Variants in ITGA2 observed in about 807,000 individuals in gnomAD.
The protein encoded by ITGA2 is integrin alpha-2.
Under a neutral mutation model 146.3 loss-of-function variants are expected in ITGA2, and 101 were observed. The observed-to-expected ratio is 0.69, with a 90% CI of 0.59 to 0.81. The LOEUF is 0.81. Among genes scored for constraint, ITGA2 ranks in the 40% least tolerant of loss-of-function variants. The probability of loss-of-function intolerance (pLI) is 0.00; values close to 1 mark genes in which losing one functional copy is unlikely to be tolerated. For missense variants in ITGA2, 1,281 were observed against 1,402.7 expected, an observed-to-expected ratio of 0.91 and a Z score of 1.39; for synonymous variants, 477 against 487.1, an observed-to-expected ratio of 0.98 and a Z score of 0.27.
At chr5:53,052,923 C>G (rs1178411904) in intron 7 of ITGA2, among the ~76,000 whole-genome samples, 4 of 152,116 alleles carry the variant, frequency 2.6e-5, no homozygotes, top group Admixed American at 2.0e-4. Flanking sequence ...GCCCTACACT[C>G]TCTCCCAAAA....
At position 53,086,455 on chromosome 5, in the gene ITGA2, T is replaced by C. The variant is rs563213949; in HGVS notation, c.3259-497T>C. Among the ~76,000 whole-genome samples the C allele has an allele frequency of 7.9e-5, 12 of 152,304 alleles. No individual in the cohort carries two copies. The East Asian group carries it at 1.4e-3, about 17-fold the overall frequency. ...TTTAAACACTATCATTTTACACACA[T>C]GTACCCAGAAGGAAAGTTCTCTTAC... On this transcript the variant is annotated intron_variant, in intron 27 of 29. Coordinates refer to ENST00000296585, the MANE Select transcript of ITGA2 (RefSeq NM_002203.4).
chr5:53,006,241 A>AT (rs1247979893), intron 1 of ITGA2, among the ~76,000 whole-genome samples: 1 of 152,162 alleles, frequency 6.6e-6, no homozygotes, highest in South Asian at 2.1e-4. Context: ...CAGTTGTGAA[A>AT]TTTTTTAAAA....
At chr5:53,022,171 G>C (rs1033867059) in intron 1 of ITGA2, among the ~76,000 whole-genome samples, 1 of 151,026 alleles carries the variant, frequency 6.6e-6, no homozygotes, top group Admixed American at 6.6e-5. Flanking sequence ...TTACGCTCTT[G>C]TTGTTAAAAG....
At chr5:53,032,266 T>C (rs1369744977) in intron 2 of ITGA2, among the ~76,000 whole-genome samples, 4 of 152,212 alleles carry the variant, frequency 2.6e-5, no homozygotes, top group Non-Finnish European at 4.4e-5. Context: ...AATATAGCAT[T>C]GTCATCCACA....
intron 29 of ITGA2, 113 bp from the exon 30 acceptor site, chr5:53,090,406 G>A: frequency 1.2e-6 from 1 of 860,026 alleles, no homozygotes; most frequent in Non-Finnish European, 2.0e-6. Flanking sequence ...CCTCCCTTCA[G>A]AGCCTCAGGG....
At chr5:53,088,631 A>T (rs1444969392) in intron 28 of ITGA2, among the ~76,000 whole-genome samples, 1 of 147,864 alleles carries the variant, frequency 6.8e-6, no homozygotes, top group Admixed American at 6.9e-5. Flanking sequence ...GGTTGCAATG[A>T]GCTGAGATTG....
In ITGA2 at chr5:53,050,986, G is replaced by A. The variant is rs148254504; in HGVS notation, c.631-425G>A. 3.5e-3 allele frequency among the ~76,000 whole-genome samples: 540 copies of A among 152,270 alleles called. 5 individuals are homozygous for A. Among genetic ancestry groups the A allele is most frequent in the African/African-American group, 0.012 (519 of 41,564 alleles). ...ATTTATTACACAGTTACCATCCTTT[G>A]ATGAGATGTTACTCTTCATCTGTGA... is the stretch of plus-strand genomic sequence containing the variant. On this transcript the variant is annotated intron_variant, in intron 6 of 29. Transcript: ENST00000296585.
chr5:53,043,451 A>G (rs1743905976), intron 3 of ITGA2, among the ~76,000 whole-genome samples: 1 of 152,184 alleles, frequency 6.6e-6, no homozygotes, highest in South Asian at 2.1e-4. Context: ...TAGAAGTTCT[A>G]TTATTTTCTG....
intron 4 of ITGA2, among the ~76,000 whole-genome samples, chr5:53,046,253 C>T (rs3212467): frequency 0.32 from 47,054 of 149,004 alleles, 7,481 homozygotes; most frequent in Admixed American, 0.38. Flanking sequence ...CAACTTTACA[C>T]TAGTTTTATC....
intron 23 of ITGA2, among the ~76,000 whole-genome samples, chr5:53,077,742 C>A (rs1745725963): frequency 6.6e-6 from 1 of 151,896 alleles, no homozygotes. Flanking sequence ...GACATATTTT[C>A]CTTTTAAGGA....
chr5:53,059,739 A>T, intron 10 of ITGA2, 135 bp from the exon 11 acceptor site: 1 of 858,330 alleles, frequency 1.2e-6, no homozygotes, highest in Admixed American at 2.1e-5. Context: ...ATTCTACAAT[A>T]TGTCAATATA....
intron 27 of ITGA2, among the ~76,000 whole-genome samples, 174 bp from the exon 28 acceptor site, chr5:53,086,778 G>T (rs1279705416): frequency 6.6e-6 from 1 of 152,138 alleles, no homozygotes; most frequent in African/African-American, 2.4e-5. Context: ...ATTTCTGACG[G>T]GCAGTCCTGT....
At chr5:53,072,787 C>A (rs1184842112) in intron 19 of ITGA2, 92 bp downstream of exon 19, 2 of 1,084,984 alleles carry the variant, frequency 1.8e-6, no homozygotes, top group Admixed American at 2.0e-5. Context: ...AGTTTTTCTA[C>A]AAAAGAAACA....
intron 2 of ITGA2, among the ~76,000 whole-genome samples, chr5:53,041,345 T>C (rs924652020): frequency 1.3e-5 from 2 of 152,200 alleles, no homozygotes; most frequent in Non-Finnish European, 2.9e-5. Context: ...AATCTCATCC[T>C]GTATTCTAGA....
At chr5:53,042,383 A>G (rs3212442) in intron 3 of ITGA2, among the ~76,000 whole-genome samples, 162 bp downstream of exon 3, 29 of 152,224 alleles carry the variant, frequency 1.9e-4, no homozygotes, top group African/African-American at 6.7e-4. Flanking sequence ...TTTCCAAAAC[A>G]GTTTGGAGAC....
chr5:53,058,091 C>A lies in ITGA2; in HGVS notation c.1163C>A (p.Ser388Tyr). Residue 388 changes from serine (S) to tyrosine (Y), a missense_variant, in exon 10 of 30, where the codon TCT becomes TAT. By Grantham distance (144) the Ser-to-Tyr change is moderately radical. Transcript: ENST00000296585. ...CAAGTGGGATTCAGTGCAGATTACT[C>A]TTCTCAAAATGTGCGTATATCAGAT... ...MSQVGFSADY[S>Y]SQNDILMLGA... is the part of the protein sequence containing the mutation. 1 of 1,609,908 alleles carries A rather than the reference C, an allele frequency of 6.2e-7. No homozygotes were observed. The highest frequency in any genetic ancestry group is 8.5e-7 in the Non-Finnish European group (1 of 1,176,802).
chr5:53,002,539 G>T (rs1338704085), intron 1 of ITGA2, among the ~76,000 whole-genome samples: 2 of 151,990 alleles, frequency 1.3e-5, no homozygotes, highest in African/African-American at 4.8e-5. Flanking sequence ...TTTTCCATGT[G>T]AGTTTTATAT....
intron 1 of ITGA2, among the ~76,000 whole-genome samples, chr5:53,026,173 A>G (rs1374624556): frequency 6.6e-6 from 1 of 152,206 alleles, no homozygotes; most frequent in African/African-American, 2.4e-5. Context: ...GAAAATGATA[A>G]CAATTTTCAA....
intron 28 of ITGA2, among the ~76,000 whole-genome samples, chr5:53,089,711 C>T (rs959416338): frequency 6.6e-6 from 1 of 152,202 alleles, no homozygotes; most frequent in Admixed American, 6.5e-5. Flanking sequence ...CCACAAGACA[C>T]TGATGTAGTT....
Sources: allele counts gnomAD v4.1 joint callset (sites outside exome capture counted in the v4.1 genomes callset), GRCh38; gene constraint gnomAD v4.1.1; transcripts MANE v1.5; gene names NCBI Gene and HGNC (gene_info 2026-07-23, HGNC 2026-07-21).